FBXL17: variants seen among roughly 807,000 people sequenced by gnomAD.
FBXL17 encodes the protein F-box and leucine rich repeat protein 17, also known as F-box/LRR-repeat protein 17.
Under a neutral mutation model 66.2 loss-of-function variants are expected in FBXL17, and 22 were observed. The ratio of observed to expected loss-of-function variants is 0.33; its 90% CI spans 0.24 to 0.47. FBXL17 has a LOEUF of 0.47. FBXL17 is among the 20% of genes least tolerant of loss of function. The pLI is 1.00. For synonymous variants in FBXL17, 474 were observed against 400.5 expected (o/e 1.18, Z -2.19); for missense variants, 878 against 948.2 (o/e 0.93, Z 0.97).
chr5:108,080,173 GAT>G (rs1748708568), intron 6 of FBXL17, among the ~76,000 whole-genome samples: 1 of 152,132 alleles, frequency 6.6e-6, no homozygotes. Flanking sequence ...ACTACAACCA[GAT>G]AAATTTACCT....
At chr5:107,914,506 C>G (rs996101557) in intron 7 of FBXL17, among the ~76,000 whole-genome samples, 3 of 152,146 alleles carry the variant, frequency 2.0e-5, no homozygotes, top group Admixed American at 2.0e-4. Context: ...CAGGCCATCC[C>G]GAATTCTTAA....
chr5:108,157,680 G>A (rs1369792026), intron 6 of FBXL17, among the ~76,000 whole-genome samples: 1 of 151,154 alleles, frequency 6.6e-6, no homozygotes, highest in East Asian at 1.9e-4. Context: ...TTTGAGCTGA[G>A]CCATATTTTA....
At chr5:108,178,679 C>A (rs889597085) in intron 6 of FBXL17, among the ~76,000 whole-genome samples, 40 of 152,162 alleles carry the variant, frequency 2.6e-4, no homozygotes, top group African/African-American at 8.7e-4. Context: ...CATTATTAGG[C>A]ACCAATAAGT....
intron 6 of FBXL17, among the ~76,000 whole-genome samples, chr5:108,155,344 A>G (rs286780): frequency 1 from 152,051 of 152,088 alleles, 76,007 homozygotes; most frequent in Middle Eastern, 1. Flanking sequence ...GTGAAACTCC[A>G]TCTCTACTAA....
intron 7 of FBXL17, among the ~76,000 whole-genome samples, chr5:107,985,786 A>C (rs147700057): frequency 6.6e-6 from 1 of 152,286 alleles, no homozygotes; most frequent in East Asian, 1.9e-4. Flanking sequence ...ACTATTTATA[A>C]ATACAAATTG....
At position 108,272,087 on chromosome 5, in the gene FBXL17, G is replaced by C. The variant is rs530692931; in HGVS notation, c.1507-47859C>G. On this transcript the variant is annotated intron_variant, in intron 4 of 8. Transcript: ENST00000542267. ...GGGAGGATCACGAGGTCATGAGATC[G>C]AGACCATCCTGGCTAACACGGTGAA... Among the ~76,000 whole-genome samples, 3 of 152,158 alleles carry C rather than the reference G, an allele frequency of 2.0e-5. No individual in the cohort carries two copies. In the South Asian group the frequency reaches 6.2e-4, roughly 32 times the overall value.
intron 4 of FBXL17, among the ~76,000 whole-genome samples, chr5:108,244,522 C>T (rs1028972334): frequency 1.3e-5 from 2 of 152,128 alleles, no homozygotes; most frequent in African/African-American, 4.8e-5. Context: ...CTATACAATG[C>T]GCTTAACAAG....
intron 6 of FBXL17, among the ~76,000 whole-genome samples, chr5:108,089,841 G>A (rs951686249): frequency 6.6e-6 from 1 of 152,068 alleles, no homozygotes; most frequent in Non-Finnish European, 1.5e-5. Context: ...TTGTTGTTTT[G>A]TATTGAGACA....
At chr5:108,186,314 T>C (rs1349010958) in intron 5 of FBXL17, 67 bp from the exon 6 acceptor site, 6 of 1,364,086 alleles carry the variant, frequency 4.4e-6, no homozygotes, top group Non-Finnish European at 6.2e-6. Flanking sequence ...AACTTACAAA[T>C]GTAGTTTATT....
At chr5:108,302,421 G>A (rs1366419296) in intron 4 of FBXL17, among the ~76,000 whole-genome samples, 2 of 151,754 alleles carry the variant, frequency 1.3e-5, no homozygotes, top group African/African-American at 4.8e-5. Flanking sequence ...TTACCTAGAA[G>A]CCTCTCTAAA....
At chr5:107,862,275 G>A (rs1311254388) in intron 8 of FBXL17, among the ~76,000 whole-genome samples, 1 of 151,778 alleles carries the variant, frequency 6.6e-6, no homozygotes, top group African/African-American at 2.4e-5. Flanking sequence ...GGACACACTA[G>A]ATTCCAGACA....
chr5:108,009,559 T>C (rs1754099582), intron 7 of FBXL17, among the ~76,000 whole-genome samples: 1 of 151,586 alleles, frequency 6.6e-6, no homozygotes, highest in Non-Finnish European at 1.5e-5. Context: ...GTTTGAAAAG[T>C]TGAAAAGTTC....
At chr5:107,880,488 C>T in intron 8 of FBXL17, 1 of 995,796 alleles carries the variant, frequency 1.0e-6, no homozygotes, top group Non-Finnish European at 1.2e-6. Flanking sequence ...ACCTCTGGAA[C>T]CACTTCTTAT....
intron 8 of FBXL17, among the ~76,000 whole-genome samples, chr5:107,863,473 A>G (rs1748187555): frequency 6.6e-6 from 1 of 150,908 alleles, no homozygotes; most frequent in African/African-American, 2.4e-5. Flanking sequence ...CTTCAATGTC[A>G]TTTTCCCAGC....
intron 7 of FBXL17, among the ~76,000 whole-genome samples, chr5:107,963,650 G>C (rs1752006223): frequency 6.6e-6 from 1 of 152,076 alleles, no homozygotes. Flanking sequence ...GATAAAGTAT[G>C]TAAAATACTT....
intron 4 of FBXL17, among the ~76,000 whole-genome samples, chr5:108,273,978 T>G (rs1757381037): frequency 6.6e-6 from 1 of 152,200 alleles, no homozygotes; most frequent in Non-Finnish European, 1.5e-5. Flanking sequence ...ATGTTACTTT[T>G]ACAGGAATTT....
intron 7 of FBXL17, among the ~76,000 whole-genome samples, chr5:107,901,658 A>G (rs1749571529): frequency 1.3e-5 from 2 of 152,176 alleles, no homozygotes; most frequent in African/African-American, 2.4e-5. Flanking sequence ...CCCTTTCTGT[A>G]TCTGCCACTC....
intron 4 of FBXL17, among the ~76,000 whole-genome samples, chr5:108,225,707 G>A (rs1755071932): frequency 6.6e-6 from 1 of 152,220 alleles, no homozygotes; most frequent in South Asian, 2.1e-4. Context: ...TCAGTTTGTG[G>A]TACTTGGTTC....
At chr5:108,071,992 A>G (rs1748352288) in intron 6 of FBXL17, among the ~76,000 whole-genome samples, 1 of 152,138 alleles carries the variant, frequency 6.6e-6, no homozygotes. Flanking sequence ...TTCTTCCTCT[A>G]TCTTCTGGAT....
Sources: allele counts gnomAD v4.1 joint callset (sites outside exome capture counted in the v4.1 genomes callset), GRCh38; gene constraint gnomAD v4.1.1; transcripts MANE v1.5; gene names NCBI Gene and HGNC (gene_info 2026-07-23, HGNC 2026-07-21).